ANKRD6: variants seen among roughly 807,000 people sequenced by gnomAD.
The protein encoded by ANKRD6 is ankyrin repeat domain-containing protein 6.
Under a neutral mutation model 82.3 loss-of-function variants are expected in ANKRD6, and 56 were observed. The observed-to-expected ratio is 0.68, with a 90% CI of 0.55 to 0.85. ANKRD6 has a LOEUF of 0.85. ANKRD6 is among the 40% of genes least tolerant of loss of function. ANKRD6 has a pLI of 0.00. For missense variants in ANKRD6, 852 were observed against 907.6 expected (o/e 0.94, Z 0.79); for synonymous variants, 347 against 352.1 (o/e 0.99, Z 0.16).
intron 1 of ANKRD6, among the ~76,000 whole-genome samples, chr6:89,506,503 C>T (rs1307551762): frequency 2.0e-5 from 3 of 151,994 alleles, no homozygotes; most frequent in East Asian, 1.9e-4. Context: ...TTAGTAGAGA[C>T]GGGGTTTCAC....
rs550469043 is a variant in ANKRD6 at position 89,606,771 on chromosome 6, G to A, written c.417+666G>A. Reference sequence around the variant, plus strand: ...CTTGGGAGGCTGAGGCAGGAGAATCGCTTGAACCTAGGAAGCAGAGGTTAC... The same window carrying A: ...CTTGGGAGGCTGAGGCAGGAGAATCACTTGAACCTAGGAAGCAGAGGTTAC... On this transcript the variant is annotated intron_variant, in intron 5 of 15. Transcript: ENST00000339746. Among the ~76,000 whole-genome samples the A allele has an allele frequency of 2.6e-5, 4 of 151,540 alleles. No homozygotes were observed. The South Asian group carries it at 8.3e-4, about 32-fold the overall frequency.
chr6:89,565,952 G>T (rs147176068), intron 1 of ANKRD6, among the ~76,000 whole-genome samples: 1 of 152,182 alleles, frequency 6.6e-6, no homozygotes, highest in Non-Finnish European at 1.5e-5. Context: ...CTTTGGTTGG[G>T]TCTAATGGCA....
Position 89,623,475 on chromosome 6 carries a change from A to G in ANKRD6, c.963A>G (p.Arg321=). Residue 321 remains arginine (R), a synonymous_variant, in exon 11 of 16, where the codon AGA becomes AGG. Coordinates refer to ENST00000339746, the MANE Select transcript of ANKRD6 (RefSeq NM_001242809.2). ...EQAVARKEEA[R]EEFLSASPEP... ...CTGTGGCCAGAAAAGAAGAAGCCAG[A>G]GAAGAGTTCCTGTCAGCCTCCCCAG... The G allele has an allele frequency of 6.2e-7, 1 of 1,606,332 alleles. No homozygotes were observed. The highest frequency in any genetic ancestry group is 8.5e-7 in the Non-Finnish European group (1 of 1,176,310).
chr6:89,549,514 T>A (rs1346125082), intron 1 of ANKRD6, among the ~76,000 whole-genome samples: 1 of 152,064 alleles, frequency 6.6e-6, no homozygotes, highest in Non-Finnish European at 1.5e-5. Flanking sequence ...GAGAAATAGA[T>A]CTCTGTTCAT....
intron 3 of ANKRD6, chr6:89,598,446 T>C (rs1796364555): frequency 1.0e-6 from 1 of 983,896 alleles, no homozygotes; most frequent in Non-Finnish European, 1.2e-6. Context: ...GCAACTTGCT[T>C]TACACACCTA....
intron 1 of ANKRD6, among the ~76,000 whole-genome samples, chr6:89,481,839 C>T (rs560207799): frequency 1.6e-4 from 25 of 152,238 alleles, no homozygotes; most frequent in African/African-American, 6.0e-4. Flanking sequence ...ACTGGTGGTG[C>T]TGGTGATTTG....
chr6:89,479,027 G>A (rs1037388523), intron 1 of ANKRD6, among the ~76,000 whole-genome samples: 10 of 152,094 alleles, frequency 6.6e-5, no homozygotes, highest in African/African-American at 2.2e-4. Flanking sequence ...GCAGACATTT[G>A]GATGAATATT....
At chr6:89,567,538 T>C (rs796954922) in intron 2 of ANKRD6, among the ~76,000 whole-genome samples, 1 of 152,288 alleles carries the variant, frequency 6.6e-6, no homozygotes, top group African/African-American at 2.4e-5. Context: ...TCTATAGGCT[T>C]TGATTTCATG....
intron 1 of ANKRD6, among the ~76,000 whole-genome samples, chr6:89,543,462 C>A (rs931559226): frequency 5.9e-5 from 9 of 152,162 alleles, no homozygotes; most frequent in Non-Finnish European, 1.2e-4. Context: ...TCCATAAGCC[C>A]CCACTCTAAC....
intron 1 of ANKRD6, among the ~76,000 whole-genome samples, chr6:89,534,824 G>A (rs940088893): frequency 1.3e-5 from 2 of 152,190 alleles, no homozygotes; most frequent in African/African-American, 4.8e-5. Context: ...ATAGAACTCA[G>A]TAATATGATG....
At chr6:89,555,177 A>G (rs958679322) in intron 1 of ANKRD6, among the ~76,000 whole-genome samples, 7 of 140,410 alleles carry the variant, frequency 5.0e-5, no homozygotes, top group Non-Finnish European at 1.1e-4. Flanking sequence ...TTCTATCTCA[A>G]CTCTCCCGCT....
chr6:89,550,689 C>G (rs1261954130), intron 1 of ANKRD6, among the ~76,000 whole-genome samples: 1 of 152,160 alleles, frequency 6.6e-6, no homozygotes, highest in Non-Finnish European at 1.5e-5. Context: ...GGTGCGGTGT[C>G]TCACACCTGT....
At position 89,600,203 on chromosome 6, in the gene ANKRD6, C is replaced by G. The variant is rs78406591; in HGVS notation, c.220-2826C>G. Among the ~76,000 whole-genome samples the G allele has an allele frequency of 9.0e-3, 1,363 of 152,266 alleles. 14 individuals carry two copies. Among genetic ancestry groups the G allele is most frequent in the Admixed American group, 0.015 (222 of 15,298 alleles). The stretch of plus-strand genomic sequence containing the variant: ...CAAAGGAAAATTTTCTCAAAGGAAG[C>G]AAATACAGTAGATTGATGATGAAAG... On this transcript the variant is annotated intron_variant, in intron 3 of 15. Coordinates refer to ENST00000339746, the MANE Select transcript of ANKRD6 (RefSeq NM_001242809.2).
At chr6:89,616,346 C>A in intron 7 of ANKRD6, 1 of 567,586 alleles carries the variant, frequency 1.8e-6, no homozygotes, top group Non-Finnish European at 3.1e-6. Flanking sequence ...CAGGTATCCT[C>A]ACTCAGAAAG....
At chr6:89,552,290 T>C (rs1283401318) in intron 1 of ANKRD6, among the ~76,000 whole-genome samples, 1 of 152,210 alleles carries the variant, frequency 6.6e-6, no homozygotes, top group Non-Finnish European at 1.5e-5. Context: ...AGAGTGCTTC[T>C]TCCTGCCATG....
chr6:89,523,911 A>G (rs1236217347), intron 1 of ANKRD6, among the ~76,000 whole-genome samples: 6 of 152,132 alleles, frequency 3.9e-5, no homozygotes, highest in Non-Finnish European at 7.4e-5. Context: ...CTCTGCCTCC[A>G]TCTGATAATG....
chr6:89,575,672 T>C (rs1371286017), intron 2 of ANKRD6, among the ~76,000 whole-genome samples: 1 of 152,206 alleles, frequency 6.6e-6, no homozygotes, highest in Non-Finnish European at 1.5e-5. Flanking sequence ...TTTTCATGTA[T>C]ATGTTGCTTG....
chr6:89,608,368 C>CACACACACACACACACACTATATATA, intron 5 of ANKRD6, among the ~76,000 whole-genome samples: 15 of 130,808 alleles, frequency 1.1e-4, no homozygotes, highest in African/African-American at 3.7e-4. Context: ...CACACACACA[C>CACACACACACACACACACTATATATA]TATATATATA....
chr6:89,466,215 G>C (rs1405105579), intron 1 of ANKRD6, among the ~76,000 whole-genome samples: 3 of 152,152 alleles, frequency 2.0e-5, no homozygotes, highest in Non-Finnish European at 2.9e-5. Flanking sequence ...ATATAGTTAT[G>C]TATTTATTAA....
Sources: gnomAD v4.1 joint callset for allele counts (sites outside exome capture counted in the v4.1 genomes callset) on GRCh38, gnomAD v4.1.1 for gene constraint, MANE v1.5 for transcripts, NCBI Gene and HGNC (gene_info 2026-07-23, HGNC 2026-07-21) for gene names.